ARL13B: variants seen among roughly 807,000 people sequenced by gnomAD.
ARL13B encodes the protein ADP-ribosylation factor-like protein 13B.
A neutral mutation model predicts 56.1 loss-of-function variants in ARL13B; 36 were observed. The observed-to-expected ratio is 0.64, with a 90% CI of 0.49 to 0.85. The LOEUF is 0.85. Ranked by LOEUF, ARL13B falls within the 40% of genes least tolerant of loss-of-function variation. The pLI, the probability that ARL13B is intolerant of heterozygous loss-of-function variation, is 0.00. For synonymous variants in ARL13B, 178 were observed against 171.1 expected (o/e 1.04, Z -0.32); for missense variants, 519 against 507.1 (o/e 1.02, Z -0.23).
intron 9 of ARL13B, among the ~76,000 whole-genome samples, chr3:94,052,470 G>T (rs2077082427): frequency 6.6e-6 from 1 of 152,146 alleles, no homozygotes; most frequent in Non-Finnish European, 1.5e-5. Context: ...AATGAGAAGA[G>T]TCAGTAAGCA....
chr3:93,988,879 T>G, intron 1 of ARL13B: 7 of 365,600 alleles, frequency 1.9e-5, no homozygotes, highest in Non-Finnish European at 3.8e-5. Flanking sequence ...AGCTGACAAG[T>G]GCGCAGATCT....
At chr3:94,010,074 T>G (rs2076198996) in intron 3 of ARL13B, among the ~76,000 whole-genome samples, 1 of 152,136 alleles carries the variant, frequency 6.6e-6, no homozygotes, top group Non-Finnish European at 1.5e-5. Flanking sequence ...GGGCTTTTTT[T>G]CCATACGTGC....
chr3:94,033,024 A>G (rs969962234), intron 3 of ARL13B, among the ~76,000 whole-genome samples: 1 of 152,256 alleles, frequency 6.6e-6, no homozygotes, highest in South Asian at 2.1e-4. Context: ...ATATACATAC[A>G]TAAAATGGAA....
chr3:94,009,354 G>A (rs2076186206), intron 3 of ARL13B, among the ~76,000 whole-genome samples: 1 of 150,650 alleles, frequency 6.6e-6, no homozygotes, highest in South Asian at 2.1e-4. Flanking sequence ...ACCTTTATAT[G>A]CTTATTTGAC....
intron 3 of ARL13B, among the ~76,000 whole-genome samples, chr3:94,035,111 A>C (rs1010307224): frequency 6.6e-6 from 1 of 151,898 alleles, no homozygotes; most frequent in African/African-American, 2.4e-5. Context: ...GTGGCACACA[A>C]CTGTAGTCCC....
chr3:94,019,058 G>A (rs1040861917), intron 3 of ARL13B, among the ~76,000 whole-genome samples: 11 of 150,856 alleles, frequency 7.3e-5, no homozygotes, highest in Admixed American at 3.3e-4. Flanking sequence ...GAGCCACCGC[G>A]CCTGGCTGGA....
At chr3:93,986,418 A>G (rs938136202) in intron 1 of ARL13B, among the ~76,000 whole-genome samples, 2 of 152,166 alleles carry the variant, frequency 1.3e-5, no homozygotes, top group African/African-American at 4.8e-5. Context: ...TTTTTTCGAT[A>G]CATTTTTTTC....
chr3:94,029,747 T>TA (rs2076641778), intron 3 of ARL13B, among the ~76,000 whole-genome samples: 1 of 152,118 alleles, frequency 6.6e-6, no homozygotes, highest in Non-Finnish European at 1.5e-5. Flanking sequence ...GCACTCTTTG[T>TA]AAAAACAAAA....
At chr3:94,003,582 C>A in intron 2 of ARL13B, 77 bp from the exon 3 acceptor site, 1 of 1,521,216 alleles carries the variant, frequency 6.6e-7, no homozygotes, top group South Asian at 1.1e-5. Flanking sequence ...CACTTGGGTG[C>A]TAAAATTTTA....
chr3:93,992,815 C>A (rs1420117688), intron 1 of ARL13B, among the ~76,000 whole-genome samples: 1 of 151,974 alleles, frequency 6.6e-6, no homozygotes. Flanking sequence ...TTTTTTGAGA[C>A]AGCATCTCAC....
At chr3:94,005,730 G>C (rs1221408592) in intron 3 of ARL13B, among the ~76,000 whole-genome samples, 1 of 152,084 alleles carries the variant, frequency 6.6e-6, no homozygotes, top group African/African-American at 2.4e-5. Flanking sequence ...TTTACAATCA[G>C]AATTTTATTA....
intron 3 of ARL13B, among the ~76,000 whole-genome samples, chr3:94,026,303 T>C (rs1333288406): frequency 6.6e-6 from 1 of 152,228 alleles, no homozygotes; most frequent in Non-Finnish European, 1.5e-5. Context: ...AAACTTACGA[T>C]TACATCAAAT....
At chr3:94,031,733 T>A (rs144612775) in intron 3 of ARL13B, among the ~76,000 whole-genome samples, 1 of 152,328 alleles carries the variant, frequency 6.6e-6, no homozygotes, top group Admixed American at 6.5e-5. Flanking sequence ...AGGCATCATA[T>A]TATCTGACCT....
chr3:94,047,363 G>A (rs949770370), intron 7 of ARL13B, among the ~76,000 whole-genome samples: 1 of 152,116 alleles, frequency 6.6e-6, no homozygotes, highest in Non-Finnish European at 1.5e-5. Context: ...GAGTTAAAAA[G>A]GAAGTAGACC....
At chr3:94,029,146 AC>A (rs1171873411) in intron 3 of ARL13B, among the ~76,000 whole-genome samples, 1 of 150,962 alleles carries the variant, frequency 6.6e-6, no homozygotes, top group Non-Finnish European at 1.5e-5. Context: ...TGTCAATATA[AC>A]AACTCAAAAT....
chr3:93,983,796 G>T (rs1710326192), intron 1 of ARL13B, among the ~76,000 whole-genome samples: 2 of 152,052 alleles, frequency 1.3e-5, no homozygotes, highest in Non-Finnish European at 2.9e-5. Context: ...TTTTTAAAAA[G>T]AAATTTTAAG....
At chr3:93,999,179 G>T (rs2107404940) in intron 2 of ARL13B, among the ~76,000 whole-genome samples, 1 of 152,000 alleles carries the variant, frequency 6.6e-6, no homozygotes, top group African/African-American at 2.4e-5. Flanking sequence ...GGCCTCAAGT[G>T]ATCCTCCTGC....
Position 94,035,353 on chromosome 3 carries a change from G to A in ARL13B, c.403G>A (p.Glu135Lys), listed in dbSNP as rs2107111369. Reference sequence around the variant, plus strand: ...CAGGTTGGCAAATAAACAAGATAAAGAAGGAGCTTTAGGAGAAGCTGATGT... The same window carrying A: ...CAGGTTGGCAAATAAACAAGATAAAAAAGGAGCTTTAGGAGAAGCTGATGT... Reference protein sequence around the residue: ...ILVLANKQDKEGALGEADVIE... With the variant: ...ILVLANKQDKKGALGEADVIE... The change falls in exon 4 of 10, where the codon GAA becomes AAA. Residue 135 changes from glutamate to lysine, a missense_variant. Glu to Lys is a moderately conservative substitution (Grantham distance 56). Coordinates refer to ENST00000394222, the MANE Select transcript of ARL13B (RefSeq NM_001174150.2). The A allele has an allele frequency of 6.2e-7, 1 of 1,610,610 alleles. No homozygotes were observed. The highest frequency in any genetic ancestry group is 8.5e-7 in the Non-Finnish European group (1 of 1,178,858).
intron 3 of ARL13B, among the ~76,000 whole-genome samples, chr3:94,013,533 T>G (rs1237142065): frequency 6.6e-6 from 1 of 152,232 alleles, no homozygotes; most frequent in African/African-American, 2.4e-5. Flanking sequence ...ATACCTTAAC[T>G]CATCTTCTTA....
Sources: allele counts gnomAD v4.1 joint callset (sites outside exome capture counted in the v4.1 genomes callset), GRCh38; gene constraint gnomAD v4.1.1; transcripts MANE v1.5; gene names NCBI Gene and HGNC (gene_info 2026-07-23, HGNC 2026-07-21).